The following ZZZ3 variants were observed in gnomAD, a reference collection of about 807,000 sequenced individuals.
ZZZ3 encodes the protein ZZ-type zinc finger-containing protein 3.
In ZZZ3, 22 loss-of-function variants were observed where a neutral mutation model predicts 95.2. The ratio of observed to expected loss-of-function variants is 0.23; its 90% CI spans 0.17 to 0.33. The LOEUF (loss-of-function observed/expected upper bound fraction) is 0.33. Ranked by LOEUF, ZZZ3 falls within the 10% of genes least tolerant of loss-of-function variation. The probability of loss-of-function intolerance (pLI) is 1.00; values close to 1 mark genes in which losing one functional copy is unlikely to be tolerated. For missense variants in ZZZ3, 885 were observed against 1,066.5 expected, an observed-to-expected ratio of 0.83 and a Z score of 2.37; for synonymous variants, 335 against 358.9, an observed-to-expected ratio of 0.93 and a Z score of 0.75.
At chr1:77,647,340 G>A (rs921313908) in intron 1 of ZZZ3, among the ~76,000 whole-genome samples, 3 of 152,220 alleles carry the variant, frequency 2.0e-5, no homozygotes, top group African/African-American at 4.8e-5. Context: ...CCAACATGGC[G>A]AAAACCCATC....
intron 1 of ZZZ3, among the ~76,000 whole-genome samples, chr1:77,647,116 T>C (rs941931093): frequency 3.3e-5 from 5 of 152,230 alleles, no homozygotes; most frequent in African/African-American, 1.2e-4. Context: ...ATGTTTGTGG[T>C]ATATATACTT....
intron 5 of ZZZ3, among the ~76,000 whole-genome samples, chr1:77,622,901 A>G (rs764165992): frequency 6.6e-6 from 1 of 152,192 alleles, no homozygotes; most frequent in Non-Finnish European, 1.5e-5. Flanking sequence ...AAGCTCGCCC[A>G]CAGTAATCCC....
rs1382850174 is a variant in ZZZ3, at chr1:77,562,846, G to A, written c.*2794C>T. The A allele has an allele frequency of 6.6e-6, 1 of 152,500 alleles. No homozygotes were observed. The highest frequency in any genetic ancestry group is 1.5e-5 in the Non-Finnish European group (1 of 68,048). 9.4% of individuals were successfully genotyped at this position (152,500 alleles called of 1,614,324 possible). On this transcript the variant is annotated 3_prime_UTR_variant, in exon 15 of 15. Coordinates refer to ENST00000370801, the MANE Select transcript of ZZZ3 (RefSeq NM_015534.6). Reference sequence around the variant, plus strand: ...TTGCCTGACACAAGGGGAAATTCCTGCTCAGGAAACAGGATAGTAAGGCAG... The same window carrying A: ...TTGCCTGACACAAGGGGAAATTCCTACTCAGGAAACAGGATAGTAAGGCAG...
At chr1:77,667,588 CT>C (rs908192187) in intron 1 of ZZZ3, among the ~76,000 whole-genome samples, 3 of 152,018 alleles carry the variant, frequency 2.0e-5, no homozygotes, top group African/African-American at 4.8e-5. Flanking sequence ...TAATTATCTT[CT>C]TTTTTTCCTC....
At chr1:77,629,825 T>C (rs1159138442) in intron 5 of ZZZ3, among the ~76,000 whole-genome samples, 2 of 152,084 alleles carry the variant, frequency 1.3e-5, no homozygotes, top group Non-Finnish European at 2.9e-5. Flanking sequence ...AATAAACATA[T>C]AAAAGCACAC....
In ZZZ3 at chr1:77,632,456, G is replaced by C. The variant is rs1029676448; in HGVS notation, c.899C>G (p.Ala300Gly). ...EHVNQLTTEP[A>G]TGPFSETQSS... ...CTGAGTTTCAGAAAAGGGCCCTGTAGCTGGCTCAGTAGTCAGCTGATTAAC... is the reference window on the plus strand; with the variant it reads ...CTGAGTTTCAGAAAAGGGCCCTGTACCTGGCTCAGTAGTCAGCTGATTAAC... Residue 300 changes from alanine (A) to glycine (G), a missense_variant, in exon 5 of 15, where the codon GCT (alanine) becomes GGT (glycine). Physicochemically the swap from Ala to Gly is moderately conservative, Grantham distance 60. This residue lies in a region of ZZZ3 where 556 missense variants were observed against 652.9 expected (regional missense o/e 0.85). Coordinates refer to ENST00000370801, the MANE Select transcript of ZZZ3 (RefSeq NM_015534.6). 2 of 1,614,020 alleles carry C rather than the reference G, an allele frequency of 1.2e-6. No homozygotes were observed. Among genetic ancestry groups the C allele is most frequent in the Non-Finnish European group, 1.7e-6 (2 of 1,180,028 alleles).
intron 12 of ZZZ3, among the ~76,000 whole-genome samples, chr1:77,572,637 CTT>C (rs553659215): frequency 8.6e-5 from 13 of 151,492 alleles, no homozygotes; most frequent in Non-Finnish European, 1.5e-4. Context: ...TGCGCCCGGC[CTT>C]TTTGTTTGTT....
intron 5 of ZZZ3, among the ~76,000 whole-genome samples, chr1:77,630,081 A>G (rs1484193798): frequency 1.3e-5 from 2 of 152,236 alleles, no homozygotes; most frequent in African/African-American, 4.8e-5. Flanking sequence ...CAGAACTAAC[A>G]TATATCATTT....
intron 1 of ZZZ3, among the ~76,000 whole-genome samples, chr1:77,681,816 T>G (rs1166321776): frequency 6.6e-6 from 1 of 151,190 alleles, no homozygotes; most frequent in Non-Finnish European, 1.5e-5. Context: ...GGAGAATCGC[T>G]TGAACCCGGG....
intron 5 of ZZZ3, among the ~76,000 whole-genome samples, chr1:77,630,804 T>C (rs1314716810): frequency 6.6e-6 from 1 of 152,068 alleles, no homozygotes; most frequent in African/African-American, 2.4e-5. Context: ...GCAAAAAAAA[T>C]ATTATGTCCC....
rs570479071 is a variant in ZZZ3, at chr1:77,607,915, G to GT, written c.1506-23261dup. On this transcript the variant is annotated intron_variant, in intron 5 of 14. Transcript: ENST00000370801. ...AGCCTGGGCGACAGAACAAGACTCT[G>GT]TCTCAAAAAAAAAAAAAAAAAGGAA... Among the ~76,000 whole-genome samples, 104 of 132,590 alleles carry GT rather than the reference G, an allele frequency of 7.8e-4. 2 individuals are homozygous for GT. In the South Asian group the frequency reaches 0.024, roughly 30 times the overall value. The allele number at this position is 132,590 out of a possible 152,430, so 87.0% of individuals were successfully genotyped here. A position where few individuals can be genotyped will look rare whatever the true frequency, so the allele number is the denominator to read the frequency against.
At chr1:77,625,296 A>G (rs1361905745) in intron 5 of ZZZ3, among the ~76,000 whole-genome samples, 1 of 152,160 alleles carries the variant, frequency 6.6e-6, no homozygotes, top group East Asian at 1.9e-4. Context: ...CCTAAACCGG[A>G]AAGCATACAA....
intron 1 of ZZZ3, among the ~76,000 whole-genome samples, chr1:77,644,228 T>C (rs1389300506): frequency 2.0e-5 from 3 of 151,792 alleles, no homozygotes; most frequent in Admixed American, 2.0e-4. Flanking sequence ...ACCACGCCCA[T>C]TTAATTTTTG....
chr1:77,673,075 C>T (rs1257820777), intron 1 of ZZZ3, among the ~76,000 whole-genome samples: 4 of 152,188 alleles, frequency 2.6e-5, no homozygotes, highest in African/African-American at 7.2e-5. Context: ...ATTTCAACAA[C>T]TATTGGCCAT....
intron 14 of ZZZ3, 43 bp from the exon 15 acceptor site, chr1:77,565,827 G>A: frequency 6.4e-7 from 1 of 1,569,132 alleles, no homozygotes; most frequent in East Asian, 2.3e-5. Flanking sequence ...GGTAGTGGAT[G>A]CATTTTAGTC....
chr1:77,641,582 C>T lies in ZZZ3; in HGVS notation c.-329G>A. On this transcript the variant is annotated 5_prime_UTR_variant, in exon 2 of 15. The change creates a new upstream start codon in the 5' untranslated region. Coordinates refer to ENST00000370801, the MANE Select transcript of ZZZ3 (RefSeq NM_015534.6). Reference sequence around the variant, plus strand: ...ATGCGTCTGTATTTATCTGTCATCACTGTTAATTGTCCATGTTACACTGAG... The same window carrying T: ...ATGCGTCTGTATTTATCTGTCATCATTGTTAATTGTCCATGTTACACTGAG... The T allele has an allele frequency of 2.5e-6, 1 of 398,212 alleles. No homozygotes were observed. 24.7% of individuals were successfully genotyped at this position (398,212 alleles called of 1,614,324 possible).
chr1:77,632,679 G>C lies in ZZZ3; in HGVS notation c.676C>G (p.Gln226Glu), dbSNP rs764251371. ...DDCQPDGNTK[Q>E]NSIGSYVLQE... ...AACACATAGGAACCAATGCTATTTT[G>C]TTTAGTGTTCCCATCAGGCTGACAG... The change falls in exon 5 of 15, where the codon CAA becomes GAA. Residue 226 changes from glutamine to glutamate, a missense_variant. By Grantham distance (29) the Gln-to-Glu change is conservative. Transcript: ENST00000370801. 1 of 1,614,104 alleles carries C rather than the reference G, an allele frequency of 6.2e-7. No individual in the cohort carries two copies. Among genetic ancestry groups the C allele is most frequent in the East Asian group, 2.2e-5 (1 of 44,876 alleles).
intron 5 of ZZZ3, among the ~76,000 whole-genome samples, chr1:77,610,136 T>TAAA (rs34927182): frequency 1.4e-5 from 2 of 140,176 alleles, no homozygotes; most frequent in Non-Finnish European, 1.5e-5. Context: ...AAATCAGAGA[T>TAAA]AAAAAAAAAA....
intron 1 of ZZZ3, among the ~76,000 whole-genome samples, chr1:77,648,036 A>G (rs1331627962): frequency 2.0e-5 from 3 of 152,190 alleles, no homozygotes; most frequent in Non-Finnish European, 2.9e-5. Context: ...AAACAAGGTA[A>G]AATTGAGAAT....
Sources: gnomAD v4.1 joint callset for allele counts (sites outside exome capture counted in the v4.1 genomes callset) on GRCh38, gnomAD v4.1.1 for gene constraint, gnomAD v4.1.1 regional missense constraint, MANE v1.5 for transcripts, NCBI Gene and HGNC (gene_info 2026-07-23, HGNC 2026-07-21) for gene names.